The following CRHR1 variants were observed in gnomAD, a reference collection of about 807,000 sequenced individuals.
CRHR1 encodes corticotropin-releasing hormone receptor 1.
In CRHR1, 28 loss-of-function variants were observed where a neutral mutation model predicts 56.0. The observed-to-expected ratio is 0.50, with a 90% CI of 0.37 to 0.69. CRHR1 has a LOEUF of 0.69. CRHR1 is among the 30% of genes least tolerant of loss of function. The pLI is 0.00. For synonymous variants in CRHR1, 195 were observed against 216.5 expected, an observed-to-expected ratio of 0.90 and a Z score of 0.87; for missense variants, 376 against 548.0, an observed-to-expected ratio of 0.69 and a Z score of 3.13.
intron 3 of CRHR1, among the ~76,000 whole-genome samples, chr17:45,817,106 T>C (rs577174547): frequency 6.2e-4 from 92 of 148,674 alleles, no homozygotes; most frequent in African/African-American, 2.2e-3. Context: ...CCTGGATTTG[T>C]AGGTGGAGTG....
At chr17:45,808,097 G>C (rs1157741642) in intron 2 of CRHR1, among the ~76,000 whole-genome samples, 2 of 152,212 alleles carry the variant, frequency 1.3e-5, no homozygotes, top group African/African-American at 4.8e-5. Flanking sequence ...CTTTCATGAA[G>C]CACCTACTAC....
At chr17:45,810,761 A>T (rs2061807438) in intron 2 of CRHR1, among the ~76,000 whole-genome samples, 1 of 152,228 alleles carries the variant, frequency 6.6e-6, no homozygotes, top group Admixed American at 6.5e-5. Flanking sequence ...ACTTGTCCTG[A>T]TGGATCACAC....
At chr17:45,788,663 A>G (rs989150153) in intron 1 of CRHR1, among the ~76,000 whole-genome samples, 1 of 152,258 alleles carries the variant, frequency 6.6e-6, no homozygotes, top group Non-Finnish European at 1.5e-5. Context: ...AAAAGCTGCA[A>G]GGTGGCTACT....
rs1341839400 is a variant in CRHR1 at position 45,784,336 on chromosome 17, A to T, written c.-209A>T. On this transcript the variant is annotated 5_prime_UTR_variant, in exon 1 of 13. Coordinates refer to ENST00000314537, the MANE Select transcript of CRHR1 (RefSeq NM_004382.5). The surrounding 1 kb of genome is among the most constrained non-coding windows in gnomAD (Gnocchi z 4.2). ...GGCTGCGTCGGGAAACGGCGGCCAG[A>T]CTTCCCCGGGAAGGGGCGAGCGAGA... 2.4e-5 allele frequency: 7 copies of T among 296,718 alleles called. No individual in the cohort carries two copies. The highest frequency in any genetic ancestry group is 1.2e-4 in the East Asian group (2 of 17,238). The allele number at this position is 296,718 out of a possible 1,614,324, so 18.4% of individuals were successfully genotyped here. A position where few individuals can be genotyped will look rare whatever the true frequency, so the allele number is the denominator to read the frequency against.
chr17:45,816,674 A>G, intron 3 of CRHR1, 92 bp downstream of exon 3: 4 of 1,573,724 alleles, frequency 2.5e-6, no homozygotes, highest in South Asian at 2.3e-5. Flanking sequence ...GACGATGACA[A>G]TAACAGTAAT....
At chr17:45,786,265 A>G (rs2061334492) in intron 1 of CRHR1, among the ~76,000 whole-genome samples, 1 of 151,202 alleles carries the variant, frequency 6.6e-6, no homozygotes, top group South Asian at 2.1e-4. Context: ...TTCCTACTAG[A>G]TGGTGGGGTG....
At chr17:45,831,316 A>G (rs2062304098) in intron 8 of CRHR1, among the ~76,000 whole-genome samples, 1 of 152,246 alleles carries the variant, frequency 6.6e-6, no homozygotes, top group African/African-American at 2.4e-5. Flanking sequence ...ATATGAGTCC[A>G]TCTATATTAA....
chr17:45,831,637 T>C (rs2062311805), intron 8 of CRHR1, among the ~76,000 whole-genome samples: 1 of 152,134 alleles, frequency 6.6e-6, no homozygotes. Context: ...TGGTCTGGGG[T>C]GTGGCCTGGC....
intron 8 of CRHR1, among the ~76,000 whole-genome samples, chr17:45,831,406 A>G (rs975241179): frequency 6.6e-6 from 1 of 152,236 alleles, no homozygotes; most frequent in Non-Finnish European, 1.5e-5. Flanking sequence ...TTAATAAAAG[A>G]GTCCATGAAT....
At chr17:45,816,921 A>C (rs2061941291) in intron 3 of CRHR1, among the ~76,000 whole-genome samples, 1 of 152,158 alleles carries the variant, frequency 6.6e-6, no homozygotes, top group Non-Finnish European at 1.5e-5. Context: ...ATTAAACTTC[A>C]GGTTAGTCTG....
intron 1 of CRHR1, among the ~76,000 whole-genome samples, chr17:45,797,711 A>C (rs2061547408): frequency 6.6e-6 from 1 of 152,202 alleles, no homozygotes; most frequent in Admixed American, 6.5e-5. Flanking sequence ...TCCCAAGGTC[A>C]CACAGGTAGG....
chr17:45,784,629 G>A lies in CRHR1; in HGVS notation c.33+52G>A, dbSNP rs1462311254. The A allele has an allele frequency of 4.6e-6, 7 of 1,522,422 alleles. No homozygotes were observed. Among genetic ancestry groups the A allele is most frequent in the East Asian group, 5.2e-5 (2 of 38,342 alleles). 94.3% of individuals were successfully genotyped at this position (1,522,422 alleles called of 1,614,324 possible). On this transcript the variant is annotated intron_variant, in intron 1 of 12. Transcript: ENST00000314537. The surrounding 1 kb of genome is among the most constrained non-coding windows in gnomAD (Gnocchi z 4.2). ...GCGCTGGCGCCCCCGGCCCCTGGCG[G>A]ACGCGGGACGGGGCTGGGCTGTGGG...
At chr17:45,826,520 C>A (rs2062165440) in intron 4 of CRHR1, 1 of 152,262 alleles carries the variant, frequency 6.6e-6, no homozygotes, top group South Asian at 2.1e-4. Context: ...AGACTTTGTC[C>A]CCCGGGAATG....
chr17:45,814,066 C>T (rs905880223), intron 2 of CRHR1, among the ~76,000 whole-genome samples: 5 of 152,272 alleles, frequency 3.3e-5, no homozygotes, highest in East Asian at 1.9e-4. Flanking sequence ...CCGTGCCTTG[C>T]GAAAGCAAGG....
At chr17:45,824,589 T>G (rs2143164473) in intron 4 of CRHR1, among the ~76,000 whole-genome samples, 1 of 152,276 alleles carries the variant, frequency 6.6e-6, no homozygotes, top group South Asian at 2.1e-4. Context: ...CAGGGGTCTC[T>G]ACCTCTGTCC....
At chr17:45,831,353 G>C (rs1167273415) in intron 8 of CRHR1, among the ~76,000 whole-genome samples, 1 of 152,202 alleles carries the variant, frequency 6.6e-6, no homozygotes, top group Non-Finnish European at 1.5e-5. Context: ...CTGGCACATA[G>C]AGTAAATGCT....
chr17:45,833,559 CA>C (rs764293271), intron 10 of CRHR1, 22 bp downstream of exon 10: 1 of 1,611,272 alleles, frequency 6.2e-7, no homozygotes, highest in South Asian at 1.1e-5. Flanking sequence ...CCACCTTCCT[CA>C]GGCCTCCCCC....
chr17:45,816,529 T>A lies in CRHR1; in HGVS notation c.188T>A (p.Leu63Gln), dbSNP rs1422488430. ...TGGCCCCGCAGCCCTGCGGGGCAGC[T>A]AGTGGTTCGGCCCTGCCCTGCCTTT... ...TCWPRSPAGQ[L>Q]VVRPCPAFFY... Residue 63 changes from leucine (L) to glutamine (Q), a missense_variant, in exon 3 of 13, where the codon CTA becomes CAA. Leu to Gln is a moderately radical substitution (Grantham distance 113). Around this residue, in one of 2 missense-constraint regions of CRHR1, gnomAD observed 369 missense variants for 519.5 expected, o/e 0.71. Transcript: ENST00000314537. 6.2e-7 allele frequency: 1 copy of A among 1,614,046 alleles called. No homozygotes were observed. Among genetic ancestry groups the A allele is most frequent in the Non-Finnish European group, 8.5e-7 (1 of 1,180,018 alleles).
chr17:45,805,079 C>T (rs905287121), intron 1 of CRHR1, among the ~76,000 whole-genome samples: 7 of 152,062 alleles, frequency 4.6e-5, no homozygotes, highest in Admixed American at 1.3e-4. Context: ...GCTGGGATTA[C>T]AGGCATGAGC....
Sources: allele counts gnomAD v4.1 joint callset (sites outside exome capture counted in the v4.1 genomes callset), GRCh38; gene constraint gnomAD v4.1.1; regional missense constraint gnomAD v4.1.1; non-coding constraint Gnocchi (gnomAD v3.1); transcripts MANE v1.5; gene names NCBI Gene and HGNC (gene_info 2026-07-23, HGNC 2026-07-21).